Variants in NSUN6 observed in about 807,000 individuals in gnomAD.
NSUN6 encodes tRNA (cytosine(72)-C(5))-methyltransferase NSUN6.
NSUN6 carries 64 observed loss-of-function variants against 58.0 expected under a neutral mutation model. The ratio of observed to expected loss-of-function variants is 1.10; its 90% CI spans 0.90 to 1.36. NSUN6 has a LOEUF of 1.36. Ranked by LOEUF, NSUN6 falls within the 40% of genes most tolerant of loss-of-function variation. The probability of loss-of-function intolerance (pLI) is 0.00; values close to 1 mark genes in which losing one functional copy is unlikely to be tolerated. For missense variants in NSUN6, 701 were observed against 550.1 expected, an observed-to-expected ratio of 1.27 and a Z score of -2.74; for synonymous variants, 231 against 193.9, an observed-to-expected ratio of 1.19 and a Z score of -1.59.
intron 8 of NSUN6, among the ~76,000 whole-genome samples, chr10:18,583,620 C>A (rs1253963276): frequency 6.6e-6 from 1 of 152,012 alleles, no homozygotes; most frequent in African/African-American, 2.4e-5. Flanking sequence ...GAAAGGAAAA[C>A]ATGCTTAAAA....
intron 3 of NSUN6, among the ~76,000 whole-genome samples, chr10:18,627,603 C>T (rs1187054368): frequency 6.6e-6 from 1 of 152,186 alleles, no homozygotes; most frequent in African/African-American, 2.4e-5. Flanking sequence ...ACTCGGGAAG[C>T]ACAAGGGGTC....
intron 3 of NSUN6, among the ~76,000 whole-genome samples, chr10:18,627,467 G>C (rs2131444655): frequency 6.6e-6 from 1 of 152,336 alleles, no homozygotes; most frequent in East Asian, 1.9e-4. Flanking sequence ...CGACGCAGAA[G>C]ACGGGTGATT....
At chr10:18,621,037 C>A (rs1162295090) in intron 3 of NSUN6, among the ~76,000 whole-genome samples, 1 of 152,222 alleles carries the variant, frequency 6.6e-6, no homozygotes, top group African/African-American at 2.4e-5. Context: ...TGACTGACAT[C>A]TGGGAACTGA....
intron 5 of NSUN6, among the ~76,000 whole-genome samples, chr10:18,611,667 C>T (rs1253422458): frequency 6.6e-6 from 1 of 152,008 alleles, no homozygotes; most frequent in Non-Finnish European, 1.5e-5. Context: ...GTAGCTGCGA[C>T]TACAGGCACA....
chr10:18,634,351 G>C (rs951907268), intron 3 of NSUN6, among the ~76,000 whole-genome samples: 3 of 152,100 alleles, frequency 2.0e-5, no homozygotes, highest in African/African-American at 7.2e-5. Flanking sequence ...ACAGTATTTT[G>C]AATCCCCATT....
chr10:18,600,951 T>TATAC (rs1554869963), intron 6 of NSUN6, among the ~76,000 whole-genome samples: 36 of 95,858 alleles, frequency 3.8e-4, no homozygotes, highest in African/African-American at 1.3e-3. Context: ...AATATATATA[T>TATAC]ATATATATAC....
chr10:18,551,370 G>A (rs141272487), intron 9 of NSUN6, among the ~76,000 whole-genome samples: 274 of 151,082 alleles, frequency 1.8e-3, no homozygotes, highest in African/African-American at 6.3e-3. Flanking sequence ...TCACATTGCT[G>A]GGCAATGATC....
At chr10:18,658,890 GTGAA>G (rs1248441867), upstream of NSUN6, among the ~76,000 whole-genome samples, 2 of 152,120 alleles carry the variant, frequency 1.3e-5, no homozygotes, top group Non-Finnish European at 1.5e-5. Flanking sequence ...GAATGAATAC[GTGAA>G]TGAATAGATT....
Position 18,614,532 on chromosome 10 carries a change from G to C in NSUN6, c.503C>G (p.Thr168Arg). 6.5e-7 allele frequency: 1 copy of C among 1,547,054 alleles called. No homozygotes were observed. The highest frequency in any genetic ancestry group is 8.7e-7 in the Non-Finnish European group (1 of 1,144,912). The part of the protein sequence containing the change: ...CKKGAKEFDG[T>R]KVFLGNGISE... ...AATCCCATTTCCAAGAAATACTTTT[G>C]TTCCATCAAATTCTTTGGCTCCTTT... The change falls in exon 5 of 11, where the codon ACA becomes AGA. Residue 168 changes from threonine (T) to arginine (R), a missense_variant. Thr to Arg is a moderately conservative substitution (Grantham distance 71). Coordinates refer to ENST00000377304, the MANE Select transcript of NSUN6 (RefSeq NM_182543.5).
intron 3 of NSUN6, 96 bp downstream of exon 3, chr10:18,642,380 T>G: frequency 1.5e-6 from 1 of 667,838 alleles, no homozygotes. Flanking sequence ...TTGCTAACAA[T>G]GGAGAAACTT....
At chr10:18,645,424 C>A (rs2059518541) in intron 2 of NSUN6, among the ~76,000 whole-genome samples, 1 of 152,148 alleles carries the variant, frequency 6.6e-6, no homozygotes, top group Admixed American at 6.5e-5. Context: ...GTCCCACATC[C>A]TTTATCTCTC....
In NSUN6 at chr10:18,596,293, T is replaced by C; in HGVS notation, c.692A>G (p.Asn231Ser). 6.3e-7 allele frequency: 1 copy of C among 1,595,896 alleles called. No homozygotes were observed. The highest frequency in any genetic ancestry group is 8.6e-7 in the Non-Finnish European group (1 of 1,163,376). ...TAGAATCTTCTCTCCAGGTTGAGGA[T>C]TTAGTACATGACTTACTAAGGCAGA... Reference protein sequence around the residue: ...LPSALVSHVLNPQPGEKILDL... With the variant: ...LPSALVSHVLSPQPGEKILDL... The change falls in exon 7 of 11, where the codon AAT becomes AGT. Residue 231 changes from asparagine to serine, a missense_variant. Transcript: ENST00000377304.
At chr10:18,586,772 C>T (rs1283450640) in intron 7 of NSUN6, among the ~76,000 whole-genome samples, 2 of 151,444 alleles carry the variant, frequency 1.3e-5, no homozygotes, top group African/African-American at 2.4e-5. Context: ...GGGACCCTAG[C>T]GGCTTGCAGC....
At chr10:18,548,314 T>C (rs2054407972) in intron 9 of NSUN6, 77 bp from the exon 10 acceptor site, 2 of 1,254,386 alleles carry the variant, frequency 1.6e-6, no homozygotes, top group East Asian at 2.4e-5. Context: ...GCAAAAGGTA[T>C]AATGTCTTTC....
At chr10:18,633,667 GTC>G in intron 3 of NSUN6, among the ~76,000 whole-genome samples, 1 of 152,118 alleles carries the variant, frequency 6.6e-6, no homozygotes, top group Non-Finnish European at 1.5e-5. Flanking sequence ...GGAATATCTT[GTC>G]AGTGTCCTGT....
intron 3 of NSUN6, among the ~76,000 whole-genome samples, chr10:18,629,528 C>T (rs1390434066): frequency 7.1e-6 from 1 of 141,152 alleles, no homozygotes; most frequent in African/African-American, 2.6e-5. Flanking sequence ...TGCAGAGACA[C>T]ACATAGGCTC....
At chr10:18,548,886 CT>C (rs748424257) in intron 9 of NSUN6, among the ~76,000 whole-genome samples, 6 of 152,298 alleles carry the variant, frequency 3.9e-5, no homozygotes, top group Non-Finnish European at 8.8e-5. Flanking sequence ...CTTTTTCTGA[CT>C]CCCCCAAACA....
chr10:18,585,457 T>C (rs1171393801), intron 8 of NSUN6, among the ~76,000 whole-genome samples: 1 of 152,216 alleles, frequency 6.6e-6, no homozygotes, highest in East Asian at 1.9e-4. Flanking sequence ...CACGATGGAA[T>C]ACCATTCAGC....
chr10:18,549,424 C>G (rs1156786435), intron 9 of NSUN6, among the ~76,000 whole-genome samples: 1 of 152,142 alleles, frequency 6.6e-6, no homozygotes, highest in Non-Finnish European at 1.5e-5. Flanking sequence ...CCCGGGCACT[C>G]TGTAGATTTG....
Sources: gnomAD v4.1 joint callset for allele counts (sites outside exome capture counted in the v4.1 genomes callset) on GRCh38, gnomAD v4.1.1 for gene constraint, MANE v1.5 for transcripts, NCBI Gene and HGNC (gene_info 2026-07-23, HGNC 2026-07-21) for gene names.